The following NDST4 variants were observed in gnomAD, a reference collection of about 807,000 sequenced individuals.
NDST4 encodes N-heparan sulfate sulfotransferase 4.
Under a neutral mutation model 100.8 loss-of-function variants are expected in NDST4, and 63 were observed. That is an observed-to-expected ratio of 0.62 (90% CI 0.51 to 0.77). The LOEUF (loss-of-function observed/expected upper bound fraction) is 0.77. Among genes scored for constraint, NDST4 ranks in the 30% least tolerant of loss-of-function variants. NDST4 has a pLI of 0.00. For missense variants in NDST4, 943 were observed against 1,018.4 expected, an observed-to-expected ratio of 0.93 and a Z score of 1.01; for synonymous variants, 377 against 361.8, an observed-to-expected ratio of 1.04 and a Z score of -0.48.
intron 2 of NDST4, among the ~76,000 whole-genome samples, chr4:115,024,905 GC>G (rs1410838336): frequency 6.6e-6 from 1 of 152,158 alleles, no homozygotes; most frequent in African/African-American, 2.4e-5. Flanking sequence ...ATGGATTAAT[GC>G]TGGCATCATC....
chr4:114,849,432 G>C (rs528522811), intron 8 of NDST4, among the ~76,000 whole-genome samples: 1 of 152,324 alleles, frequency 6.6e-6, no homozygotes, highest in Admixed American at 6.5e-5. Flanking sequence ...TTGCAAATGG[G>C]ATCTGGAAGT....
intron 10 of NDST4, among the ~76,000 whole-genome samples, chr4:114,840,361 C>A (rs1426317625): frequency 6.6e-6 from 1 of 151,990 alleles, no homozygotes; most frequent in Non-Finnish European, 1.5e-5. Flanking sequence ...GAACAAAGAT[C>A]TGAGATAGAT....
chr4:114,914,008 G>A (rs1578384986), intron 6 of NDST4, among the ~76,000 whole-genome samples: 1 of 151,816 alleles, frequency 6.6e-6, no homozygotes, highest in Non-Finnish European at 1.5e-5. Context: ...CATAAAAATG[G>A]AATAAGATCC....
At chr4:114,975,389 T>G (rs1363567801) in intron 3 of NDST4, among the ~76,000 whole-genome samples, 1 of 152,128 alleles carries the variant, frequency 6.6e-6, no homozygotes, top group Non-Finnish European at 1.5e-5. Context: ...CACAAACTAT[T>G]CTATTGTTTT....
At chr4:115,057,721 CACACACACACACAG>C (rs1200761376) in intron 2 of NDST4, among the ~76,000 whole-genome samples, 18 of 115,588 alleles carry the variant, frequency 1.6e-4, no homozygotes, top group African/African-American at 7.5e-4. Flanking sequence ...CACACACACA[CACACACACACACAG>C]ACACACACAC....
chr4:114,952,494 C>T (rs1253413204), intron 4 of NDST4, among the ~76,000 whole-genome samples: 2 of 151,950 alleles, frequency 1.3e-5, no homozygotes, highest in Non-Finnish European at 2.9e-5. Flanking sequence ...CAATACCAGA[C>T]CAGCAAGTCA....
intron 1 of NDST4, among the ~76,000 whole-genome samples, chr4:115,108,964 G>T (rs1729886269): frequency 6.6e-6 from 1 of 151,310 alleles, no homozygotes; most frequent in South Asian, 2.1e-4. Context: ...GGGAAAAAGG[G>T]AGGAAGAAAG....
At chr4:114,956,238 A>G (rs796889594) in intron 4 of NDST4, among the ~76,000 whole-genome samples, 1 of 152,312 alleles carries the variant, frequency 6.6e-6, no homozygotes, top group East Asian at 1.9e-4. Flanking sequence ...AGACAATTGT[A>G]GTTACCTTTA....
rs1394544110 is a variant in NDST4 at position 115,096,081 on chromosome 4, A to G, written c.-247+17363T>C. On this transcript the variant is annotated intron_variant, in intron 1 of 13. Transcript: ENST00000264363. ...TTATTATATTAATTCTATTTTATAT[A>G]CTCTCAAATCATTTTACACTCTTTT... Among the ~76,000 whole-genome samples, 3 of 151,892 alleles carry G rather than the reference A, an allele frequency of 2.0e-5. No homozygotes were observed. The East Asian group carries it at 5.8e-4, about 29-fold the overall frequency.
chr4:115,020,018 C>T (rs753374607), intron 2 of NDST4, among the ~76,000 whole-genome samples: 10 of 152,012 alleles, frequency 6.6e-5, no homozygotes, highest in Non-Finnish European at 1.3e-4. Context: ...GGGATTATTG[C>T]CATAACAGCC....
At chr4:115,043,737 A>C (rs140463460) in intron 2 of NDST4, among the ~76,000 whole-genome samples, 132 of 152,232 alleles carry the variant, frequency 8.7e-4, no homozygotes, top group African/African-American at 3.1e-3. Flanking sequence ...ATTGAAACTT[A>C]TTATTTTGAT....
intron 2 of NDST4, among the ~76,000 whole-genome samples, chr4:115,044,322 G>T (rs1728417930): frequency 6.6e-6 from 1 of 151,946 alleles, no homozygotes; most frequent in Non-Finnish European, 1.5e-5. Flanking sequence ...AAGATTCAGG[G>T]GCAACAAACA....
chr4:114,940,889 C>T (rs1725736083), intron 4 of NDST4, among the ~76,000 whole-genome samples: 1 of 152,202 alleles, frequency 6.6e-6, no homozygotes, highest in Non-Finnish European at 1.5e-5. Context: ...TGCTGCTCTG[C>T]TCTGCTGCTC....
chr4:114,990,294 T>C (rs934805991), intron 2 of NDST4, among the ~76,000 whole-genome samples: 1 of 152,096 alleles, frequency 6.6e-6, no homozygotes, highest in Non-Finnish European at 1.5e-5. Flanking sequence ...TTCCATTCAC[T>C]GAATTATTAA....
intron 6 of NDST4, among the ~76,000 whole-genome samples, chr4:114,885,468 A>G (rs1724458496): frequency 6.6e-6 from 1 of 152,232 alleles, no homozygotes; most frequent in East Asian, 1.9e-4. Context: ...ATTAATTTTA[A>G]TAATGACAAA....
At chr4:114,986,830 A>ATATATATATT (rs1553959396) in intron 2 of NDST4, among the ~76,000 whole-genome samples, 5 of 91,962 alleles carry the variant, frequency 5.4e-5, no homozygotes, top group African/African-American at 2.1e-4. Context: ...ATATATATAT[A>ATATATATATT]TATTTTAATA....
At chr4:114,914,198 C>T (rs1187515800) in intron 6 of NDST4, among the ~76,000 whole-genome samples, 1 of 151,832 alleles carries the variant, frequency 6.6e-6, no homozygotes, top group East Asian at 1.9e-4. Context: ...GGTATCAGGG[C>T]ATTGGGGGGA....
intron 6 of NDST4, among the ~76,000 whole-genome samples, chr4:114,878,554 A>G (rs1352575058): frequency 6.6e-6 from 1 of 152,176 alleles, no homozygotes; most frequent in Admixed American, 6.6e-5. Context: ...TTTGCACACA[A>G]TGGAGCAATA....
intron 2 of NDST4, among the ~76,000 whole-genome samples, chr4:115,039,343 T>A (rs745400370): frequency 1.3e-5 from 2 of 152,108 alleles, no homozygotes; most frequent in Admixed American, 6.6e-5. Flanking sequence ...TTCACTAAAT[T>A]TAGCCTAAAA....
Sources: gnomAD v4.1 joint callset for allele counts (sites outside exome capture counted in the v4.1 genomes callset) on GRCh38, gnomAD v4.1.1 for gene constraint, MANE v1.5 for transcripts, NCBI Gene and HGNC (gene_info 2026-07-23, HGNC 2026-07-21) for gene names.